COL5A2: variants seen among roughly 807,000 people sequenced by gnomAD.
COL5A2 encodes the protein collagen type V alpha 2 chain.
In COL5A2, 23 loss-of-function variants were observed where a neutral mutation model predicts 208.2. The observed-to-expected ratio is 0.11, with a 90% confidence interval of 0.08 to 0.16. The LOEUF (loss-of-function observed/expected upper bound fraction) is 0.16. Among genes scored for constraint, COL5A2 ranks in the 10% least tolerant of loss-of-function variants. The pLI is 1.00. For synonymous variants in COL5A2, 625 were observed against 628.5 expected, an observed-to-expected ratio of 0.99 and a Z score of 0.08; for missense variants, 1,590 against 1,956.4, an observed-to-expected ratio of 0.81 and a Z score of 3.53.
chr2:189,232,190 G>T, the COL5A2 span, among the ~76,000 whole-genome samples: 1 of 151,728 alleles, frequency 6.6e-6, no homozygotes, highest in Non-Finnish European at 1.5e-5. Context: ...TGGGCACTTC[G>T]TAAACCTTCT....
chr2:189,122,986 T>C (rs1049758945), intron 1 of COL5A2, among the ~76,000 whole-genome samples: 10 of 151,606 alleles, frequency 6.6e-5, no homozygotes, highest in African/African-American at 2.4e-4. Flanking sequence ...TTTTTTGAGA[T>C]GGAGTTTTGC....
At chr2:189,148,098 T>C (rs778333003) in intron 1 of COL5A2, among the ~76,000 whole-genome samples, 27 of 152,100 alleles carry the variant, frequency 1.8e-4, no homozygotes, top group Non-Finnish European at 3.5e-4. Flanking sequence ...TCACAAAAAA[T>C]TATGTTACTA....
At chr2:189,179,375 G>T in intron 1 of COL5A2, 133 bp downstream of exon 1, 1 of 971,348 alleles carries the variant, frequency 1.0e-6, no homozygotes, top group Non-Finnish European at 1.6e-6. Flanking sequence ...CGTTTTCCAG[G>T]TGCAAATCCG....
At chr2:189,184,378 A>C (rs1039604482), upstream of COL5A2, among the ~76,000 whole-genome samples, 2 of 152,214 alleles carry the variant, frequency 1.3e-5, no homozygotes, top group Non-Finnish European at 2.9e-5. Context: ...TGCTGCCATA[A>C]AAATTACTAC....
At chr2:189,310,332 G>T in the COL5A2 span, among the ~76,000 whole-genome samples, 9 of 152,160 alleles carry the variant, frequency 5.9e-5, no homozygotes, top group African/African-American at 2.2e-4. Context: ...CAACACCACT[G>T]ATCATCAGAG....
chr2:189,114,193 T>C (rs1576536137), intron 1 of COL5A2, among the ~76,000 whole-genome samples: 1 of 152,206 alleles, frequency 6.6e-6, no homozygotes, highest in African/African-American at 2.4e-5. Context: ...TTAAACCTTG[T>C]CTTCTCTTCA....
chr2:189,085,741 T>A lies in COL5A2; in HGVS notation c.722A>T (p.Glu241Val). Reference sequence around the variant, plus strand: ...TACCATTGGTCCAGGATCACCAGGTTCACCAGGAGGTCCTGTAGGTCCTGC... The same window carrying A: ...TACCATTGGTCCAGGATCACCAGGTACACCAGGAGGTCCTGTAGGTCCTGC... ...GGAGPTGPPG[E>V]PGDPGPMGPI... Residue 241 changes from glutamate (E) to valine (V), a missense_variant, in exon 10 of 54, where the codon GAA becomes GTA. By Grantham distance (121) the Glu-to-Val change is moderately radical. Transcript: ENST00000374866. 6.2e-7 allele frequency: 1 copy of A among 1,613,640 alleles called. No homozygotes were observed. Among genetic ancestry groups the A allele is most frequent in the Non-Finnish European group, 8.5e-7 (1 of 1,179,616 alleles).
chr2:189,143,311 C>G (rs928918203), intron 1 of COL5A2, among the ~76,000 whole-genome samples: 1 of 152,160 alleles, frequency 6.6e-6, no homozygotes, highest in African/African-American at 2.4e-5. Context: ...CTCCTGTCCA[C>G]TTGCCTAGGG....
chr2:189,280,784 A>C, the COL5A2 span, among the ~76,000 whole-genome samples: 54 of 152,098 alleles, frequency 3.6e-4, no homozygotes, highest in Non-Finnish European at 3.8e-4. Context: ...GATAAGACCC[A>C]AGCAAACAAT....
the COL5A2 span, among the ~76,000 whole-genome samples, chr2:189,422,807 G>A: frequency 1.0e-3 from 157 of 152,126 alleles, no homozygotes; most frequent in African/African-American, 3.6e-3. Context: ...AGCAAATCAC[G>A]AGGTCAGGAG....
In COL5A2 at chr2:189,033,179, G is replaced by C. The variant is rs1179053499; in HGVS notation, c.*891C>G. The C allele has an allele frequency of 1.3e-5, 2 of 152,556 alleles. No individual in the cohort carries two copies. The highest frequency in any genetic ancestry group is 4.8e-5 in the African/African-American group (2 of 41,442). 9.5% of individuals were successfully genotyped at this position (152,556 alleles called of 1,614,324 possible). On this transcript the variant is annotated 3_prime_UTR_variant, in exon 54 of 54. Transcript: ENST00000374866. ...GGATGATGAGATTGTACATGTGGAA[G>C]AGTCTCAATTTAGAGTCCTTGGACA...
At chr2:189,236,545 T>A in the COL5A2 span, among the ~76,000 whole-genome samples, 74 of 151,994 alleles carry the variant, frequency 4.9e-4, no homozygotes, top group African/African-American at 1.8e-3. Flanking sequence ...ATTGTCATTT[T>A]AGCCAGTCTG....
chr2:189,243,932 G>A, the COL5A2 span, among the ~76,000 whole-genome samples: 4 of 152,266 alleles, frequency 2.6e-5, no homozygotes, highest in East Asian at 7.7e-4. Context: ...TCCAAAGGGT[G>A]GCTTGCACCC....
chr2:189,369,038 A>G, the COL5A2 span, among the ~76,000 whole-genome samples: 1 of 152,194 alleles, frequency 6.6e-6, no homozygotes, highest in East Asian at 1.9e-4. Flanking sequence ...GCTGCTTACA[A>G]GCAAATAATA....
rs535553535 is a variant in COL5A2, at chr2:189,118,531, T to C, written c.98-8082A>G. Among the ~76,000 whole-genome samples the C allele has an allele frequency of 6.6e-5, 10 of 152,264 alleles. No individual in the cohort carries two copies. The East Asian group carries it at 1.5e-3, about 24-fold the overall frequency. On this transcript the variant is annotated intron_variant, in intron 1 of 53. Coordinates refer to ENST00000374866, the MANE Select transcript of COL5A2 (RefSeq NM_000393.5). The stretch of plus-strand genomic sequence containing the variant: ...ATTCTCTGCCCTTGCCTTGAGCAAG[T>C]TGAAATTTCTTTTACAATCCACCAA...
chr2:189,047,409 C>T (rs1294246032), intron 45 of COL5A2, among the ~76,000 whole-genome samples: 1 of 152,024 alleles, frequency 6.6e-6, no homozygotes, highest in African/African-American at 2.4e-5. Flanking sequence ...CCTTTCTTCC[C>T]CTTTTTTTTC....
chr2:189,257,942 GTC>G, the COL5A2 span, among the ~76,000 whole-genome samples: 1 of 151,996 alleles, frequency 6.6e-6, no homozygotes, highest in Non-Finnish European at 1.5e-5. Flanking sequence ...GTGAAACCCT[GTC>G]TCTACTAAAA....
At chr2:189,401,198 T>C in the COL5A2 span, among the ~76,000 whole-genome samples, 1 of 152,176 alleles carries the variant, frequency 6.6e-6, no homozygotes. Flanking sequence ...TTCCTGAGGC[T>C]GTCCTTCATT....
At chr2:189,316,933 G>T in the COL5A2 span, among the ~76,000 whole-genome samples, 3 of 152,022 alleles carry the variant, frequency 2.0e-5, no homozygotes, top group Non-Finnish European at 4.4e-5. Context: ...TTGAGGAGAT[G>T]AAGACCCCAT....
Sources: gnomAD v4.1 joint callset for allele counts (sites outside exome capture counted in the v4.1 genomes callset) on GRCh38, gnomAD v4.1.1 for gene constraint, MANE v1.5 for transcripts, NCBI Gene and HGNC (gene_info 2026-07-23, HGNC 2026-07-21) for gene names.